Variants in SPAST observed in about 807,000 individuals in gnomAD.
SPAST encodes spastic paraplegia 4 (autosomal dominant; spastin).
In SPAST, 30 loss-of-function variants were observed where a neutral mutation model predicts 76.6. The observed-to-expected ratio is 0.39, with a 90% CI of 0.29 to 0.53. The LOEUF (loss-of-function observed/expected upper bound fraction) is 0.53. SPAST is among the 20% of genes least tolerant of loss of function. The probability of loss-of-function intolerance (pLI) is 0.68; values close to 1 mark genes in which losing one functional copy is unlikely to be tolerated. For missense variants in SPAST, 717 were observed against 770.5 expected, an observed-to-expected ratio of 0.93 and a Z score of 0.82; for synonymous variants, 305 against 281.0, an observed-to-expected ratio of 1.09 and a Z score of -0.86.
chr2:32,098,865 C>T lies in SPAST; in HGVS notation c.656C>T (p.Ala219Val). 1.9e-6 allele frequency: 3 copies of T among 1,613,546 alleles called. No individual in the cohort carries two copies. Among genetic ancestry groups the T allele is most frequent in the Non-Finnish European group, 1.7e-6 (2 of 1,179,572 alleles). ...TDVYNDSTNL[A>V]CRNGHLQSES... ...GTCTATAATGACAGTACTAACTTGG[C>T]ATGCCGCAATGGACATCTCCAGTCA... The change falls in exon 4 of 17, where the codon GCA becomes GTA. Residue 219 changes from alanine to valine, a missense_variant. Physicochemically the swap from Ala to Val is moderately conservative, Grantham distance 64 (BLOSUM62 0). Coordinates refer to ENST00000315285, the MANE Select transcript of SPAST (RefSeq NM_014946.4).
At position 32,063,935 on chromosome 2, in the gene SPAST, C is replaced by T; in HGVS notation, c.104C>T (p.Ala35Val). 6.2e-7 allele frequency: 1 copy of T among 1,603,704 alleles called. No individual in the cohort carries two copies. Among genetic ancestry groups the T allele is most frequent in the Non-Finnish European group, 8.5e-7 (1 of 1,175,322 alleles). Residue 35 changes from alanine to valine, a missense_variant, in exon 1 of 17, where the codon GCC becomes GTC. Ala to Val is a moderately conservative substitution (Grantham distance 64). Around this residue, in one of 3 missense-constraint regions of SPAST, gnomAD observed 543 missense variants for 445.2 expected, o/e 1.22. Transcript: ENST00000315285. The stretch of plus-strand genomic sequence containing the variant: ...CCTTGCCTGGCCCCCGCCCCTCCCG[C>T]CGCCGGGCCGGCCCCTCCGCCCGAG... ...PPPCLAPAPP[A>V]AGPAPPPESP...
At chr2:32,145,577 CT>C (rs1450913766) in intron 15 of SPAST, among the ~76,000 whole-genome samples, 2 of 152,206 alleles carry the variant, frequency 1.3e-5, no homozygotes, top group African/African-American at 4.8e-5. Context: ...TTTTCTGGCT[CT>C]TTTCAGTATT....
chr2:32,095,435 A>G (rs1277538564), intron 3 of SPAST, among the ~76,000 whole-genome samples: 1 of 152,132 alleles, frequency 6.6e-6, no homozygotes, highest in Non-Finnish European at 1.5e-5. Flanking sequence ...AATAAAAGTT[A>G]TGAAAGAATG....
At chr2:32,065,182 G>T (rs1212076975) in intron 1 of SPAST, among the ~76,000 whole-genome samples, 1 of 151,980 alleles carries the variant, frequency 6.6e-6, no homozygotes, top group Non-Finnish European at 1.5e-5. Context: ...ACCACGCCTG[G>T]CTAATTTTTG....
chr2:32,105,281 G>A (rs977399186), intron 4 of SPAST, among the ~76,000 whole-genome samples: 8 of 151,978 alleles, frequency 5.3e-5, no homozygotes, highest in East Asian at 1.9e-4. Context: ...CGTAGTTTTC[G>A]TGCCATGGTT....
chr2:32,066,972 C>CAAAAAAAAAAAAAAAAAAAAAACAAA (rs60829143), intron 1 of SPAST, among the ~76,000 whole-genome samples: 1 of 77,592 alleles, frequency 1.3e-5, no homozygotes, highest in Non-Finnish European at 2.2e-5. Context: ...AAAACTGTCT[C>CAAAAAAAAAAAAAAAAAAAAAACAAA]AAAAAAAAAA....
intron 7 of SPAST, among the ~76,000 whole-genome samples, chr2:32,121,160 G>C (rs577970002): frequency 1.3e-5 from 2 of 151,542 alleles, no homozygotes; most frequent in Admixed American, 6.6e-5. Context: ...TTTTTTAGGT[G>C]GGGGCAGGGG....
intron 7 of SPAST, among the ~76,000 whole-genome samples, chr2:32,121,868 G>A (rs892354426): frequency 6.6e-6 from 1 of 152,096 alleles, no homozygotes; most frequent in East Asian, 1.9e-4. Flanking sequence ...TAGATGCAGT[G>A]TCTTTTATGT....
intron 1 of SPAST, among the ~76,000 whole-genome samples, chr2:32,082,451 C>A (rs1240689428): frequency 6.6e-6 from 1 of 151,944 alleles, no homozygotes; most frequent in Non-Finnish European, 1.5e-5. Flanking sequence ...TATCCCAGCA[C>A]TTTGGGAGGC....
At chr2:32,144,900 G>A (rs762885570) in intron 14 of SPAST, 37 bp from the exon 15 acceptor site, 19 of 1,478,924 alleles carry the variant, frequency 1.3e-5, no homozygotes, top group Non-Finnish European at 1.6e-5. Context: ...AAAGCGGGAG[G>A]GGAAATAATT....
At chr2:32,141,066 G>A (rs1679704621) in intron 12 of SPAST, among the ~76,000 whole-genome samples, 1 of 151,694 alleles carries the variant, frequency 6.6e-6, no homozygotes, top group Non-Finnish European at 1.5e-5. Flanking sequence ...GTAGGGGAAG[G>A]GATAGGTATC....
At chr2:32,084,097 A>C (rs983356947) in intron 1 of SPAST, among the ~76,000 whole-genome samples, 1 of 151,212 alleles carries the variant, frequency 6.6e-6, no homozygotes, top group Non-Finnish European at 1.5e-5. Flanking sequence ...GCAATCTTAA[A>C]AAGCAGTTTG....
intron 1 of SPAST, among the ~76,000 whole-genome samples, chr2:32,068,860 A>C (rs1676631283): frequency 6.9e-6 from 1 of 145,352 alleles, no homozygotes; most frequent in African/African-American, 2.6e-5. Context: ...CACCCATTGC[A>C]CTCCTGCCTG....
At chr2:32,079,908 A>ATCTGTTT (rs1234814792) in intron 1 of SPAST, among the ~76,000 whole-genome samples, 1 of 152,122 alleles carries the variant, frequency 6.6e-6, no homozygotes, top group Non-Finnish European at 1.5e-5. Flanking sequence ...TGGTCTAAAT[A>ATCTGTTT]TCTGTTTAAG....
chr2:32,097,203 T>G (rs1677947750), intron 3 of SPAST, among the ~76,000 whole-genome samples: 2 of 152,196 alleles, frequency 1.3e-5, no homozygotes, highest in Non-Finnish European at 2.9e-5. Context: ...GGGATCAAAC[T>G]GCTACCTTCT....
At position 32,138,472 on chromosome 2, in the gene SPAST, C is replaced by T. The variant is rs1023053754; in HGVS notation, c.1493+1284C>T. On this transcript the variant is annotated intron_variant, in intron 12 of 16. Coordinates refer to ENST00000315285, the MANE Select transcript of SPAST (RefSeq NM_014946.4). The stretch of plus-strand genomic sequence containing the variant: ...CATTTTTTCATGTTTGTTGTCCCCT[C>T]GTATGTCTTTTGAGAAGTGTCTATT... Among the ~76,000 whole-genome samples, 4 of 152,020 alleles carry T rather than the reference C, an allele frequency of 2.6e-5. 1 individual carries two copies. In the South Asian group the frequency reaches 6.2e-4, roughly 24 times the overall value.
At chr2:32,068,039 C>T (rs1301858274) in intron 1 of SPAST, among the ~76,000 whole-genome samples, 6 of 149,200 alleles carry the variant, frequency 4.0e-5, no homozygotes, top group African/African-American at 1.5e-4. Flanking sequence ...AGTGCAGTGG[C>T]GCGATCTCGG....
At chr2:32,147,646 G>GTTTGTTTTT (rs66499406) in intron 16 of SPAST, among the ~76,000 whole-genome samples, 2 of 150,480 alleles carry the variant, frequency 1.3e-5, no homozygotes, top group Non-Finnish European at 3.0e-5. Flanking sequence ...TTGTTTGTTT[G>GTTTGTTTTT]TTTGAGACGG....
intron 4 of SPAST, among the ~76,000 whole-genome samples, chr2:32,102,102 C>T (rs1320468982): frequency 1.3e-5 from 2 of 152,136 alleles, no homozygotes; most frequent in Non-Finnish European, 2.9e-5. Flanking sequence ...TCTTCCTATC[C>T]ATAAGCATGG....
Sources: allele counts gnomAD v4.1 joint callset (sites outside exome capture counted in the v4.1 genomes callset), GRCh38; gene constraint gnomAD v4.1.1; regional missense constraint gnomAD v4.1.1; transcripts MANE v1.5; gene names NCBI Gene and HGNC (gene_info 2026-07-23, HGNC 2026-07-21).